Variants in DTNBP1 observed in about 807,000 individuals in gnomAD.
The protein encoded by DTNBP1 is dystrobrevin binding protein 1, also known as dysbindin.
DTNBP1 carries 35 observed loss-of-function variants against 42.8 expected under a neutral mutation model. The ratio of observed to expected loss-of-function variants is 0.82; its 90% CI spans 0.63 to 1.09. DTNBP1 has a LOEUF of 1.09. Among genes scored for constraint, DTNBP1 ranks in the 50% least tolerant of loss-of-function variants. DTNBP1 has a pLI of 0.00. For synonymous variants in DTNBP1, 171 were observed against 162.2 expected, an observed-to-expected ratio of 1.05 and a Z score of -0.41; for missense variants, 457 against 424.2, an observed-to-expected ratio of 1.08 and a Z score of -0.68.
chr6:15,523,618 G>A (rs774268155), intron 9 of DTNBP1: 11 of 1,286,824 alleles, frequency 8.5e-6, no homozygotes, highest in Admixed American at 4.6e-5. Flanking sequence ...TGAGAAAGTC[G>A]GAATTACTGA....
intron 8 of DTNBP1, 75 bp downstream of exon 8, chr6:15,533,163 TGC>T: frequency 2.5e-6 from 4 of 1,597,952 alleles, no homozygotes; most frequent in Non-Finnish European, 3.4e-6. Context: ...CCCCATGCCC[TGC>T]TCTGGGGAGA....
At chr6:15,652,898 T>A (rs2619524) in intron 1 of DTNBP1, among the ~76,000 whole-genome samples, 38,820 of 152,148 alleles carry the variant, frequency 0.26, 5,712 homozygotes, top group African/African-American at 0.4. Flanking sequence ...GCTGGGATTA[T>A]AGGTGTGTGC....
At chr6:15,605,679 T>A (rs1208599043) in intron 6 of DTNBP1, among the ~76,000 whole-genome samples, 1 of 152,212 alleles carries the variant, frequency 6.6e-6, no homozygotes, top group Non-Finnish European at 1.5e-5. Context: ...GTAAATGGTT[T>A]TAAGTTCTTT....
At chr6:15,575,709 T>C (rs892968407) in intron 7 of DTNBP1, among the ~76,000 whole-genome samples, 2 of 152,116 alleles carry the variant, frequency 1.3e-5, no homozygotes, top group African/African-American at 2.4e-5. Flanking sequence ...ATTATACTCA[T>C]GGAGGGGAAA....
intron 7 of DTNBP1, among the ~76,000 whole-genome samples, chr6:15,589,673 C>T (rs1404558233): frequency 5.9e-5 from 9 of 152,196 alleles, no homozygotes; most frequent in Admixed American, 5.9e-4. Context: ...CCTTCCATGT[C>T]AACTTTTCCC....
intron 7 of DTNBP1, among the ~76,000 whole-genome samples, chr6:15,550,315 T>A (rs1190848826): frequency 2.6e-5 from 4 of 152,094 alleles, no homozygotes; most frequent in African/African-American, 9.7e-5. Flanking sequence ...ATGGGTATAC[T>A]TTTTTGGCAA....
intron 7 of DTNBP1, chr6:15,545,903 C>A: frequency 2.9e-6 from 1 of 339,084 alleles, no homozygotes. Context: ...ATGGGAAGGG[C>A]AAGGCAGTTT....
chr6:15,571,429 C>T (rs1343290774), intron 7 of DTNBP1, among the ~76,000 whole-genome samples: 1 of 152,320 alleles, frequency 6.6e-6, no homozygotes, highest in Non-Finnish European at 1.5e-5. Context: ...GATTGTAAAT[C>T]ACAGATCCAT....
intron 1 of DTNBP1, among the ~76,000 whole-genome samples, chr6:15,659,422 CTGCTCTGGCTTCCACACAAT>C (rs1383455302): frequency 6.6e-6 from 1 of 152,234 alleles, no homozygotes; most frequent in Non-Finnish European, 1.5e-5. Context: ...TAGAAGGCAG[CTGCTCTGGCTTCCACACAAT>C]TGCTCTGCCA....
intron 7 of DTNBP1, among the ~76,000 whole-genome samples, chr6:15,561,380 G>A (rs1180012743): frequency 6.6e-6 from 1 of 152,184 alleles, no homozygotes; most frequent in Non-Finnish European, 1.5e-5. Context: ...TGCTCTTTGT[G>A]TAAGAATGCA....
In DTNBP1 at chr6:15,577,290, T is replaced by C. The variant is rs575196899; in HGVS notation, c.511+15769A>G. On this transcript the variant is annotated intron_variant, in intron 7 of 9. Coordinates refer to ENST00000344537, the MANE Select transcript of DTNBP1 (RefSeq NM_032122.5). ...GCCAGGACTCGGGAGGTATTCCACA[T>C]GTGATGGGAGGCCACAGAGAGTTTG... Among the ~76,000 whole-genome samples the C allele has an allele frequency of 1.6e-4, 25 of 152,268 alleles. No individual in the cohort carries two copies. In the South Asian group the frequency reaches 5.0e-3, roughly 30 times the overall value.
At chr6:15,621,159 T>C (rs1439846469) in intron 5 of DTNBP1, among the ~76,000 whole-genome samples, 1 of 152,236 alleles carries the variant, frequency 6.6e-6, no homozygotes, top group Non-Finnish European at 1.5e-5. Flanking sequence ...GCTATAGTCT[T>C]AGACTTAAGA....
At chr6:15,660,400 C>T (rs1370062292) in intron 1 of DTNBP1, 6 of 1,289,790 alleles carry the variant, frequency 4.7e-6, no homozygotes, top group Non-Finnish European at 6.1e-6. Context: ...AAGTGAACAT[C>T]AGGCACTAGA....
At chr6:15,557,956 G>C (rs1448997083) in intron 7 of DTNBP1, among the ~76,000 whole-genome samples, 1 of 151,684 alleles carries the variant, frequency 6.6e-6, no homozygotes, top group African/African-American at 2.4e-5. Context: ...TGGCTTATTT[G>C]GTATATTAAA....
chr6:15,660,406 C>A (rs1169294676), intron 1 of DTNBP1: 4 of 1,289,786 alleles, frequency 3.1e-6, no homozygotes, highest in Non-Finnish European at 4.0e-6. Flanking sequence ...ACATCAGGCA[C>A]TAGAGGTCCG....
intron 7 of DTNBP1, among the ~76,000 whole-genome samples, chr6:15,571,867 C>G (rs1313026418): frequency 1.3e-5 from 2 of 152,154 alleles, no homozygotes; most frequent in Non-Finnish European, 2.9e-5. Flanking sequence ...CATCCTAACA[C>G]TAAATATCTT....
intron 9 of DTNBP1, chr6:15,524,259 A>AG (rs1225751171): frequency 4.0e-5 from 64 of 1,598,444 alleles, no homozygotes; most frequent in Non-Finnish European, 5.4e-5. Context: ...GTGGTAAAGG[A>AG]GGGAAAACAA....
In DTNBP1 at chr6:15,523,748, C is replaced by T; in HGVS notation, c.812-529G>A. The T allele has an allele frequency of 3.1e-6, 4 of 1,287,200 alleles. No homozygotes were observed. The South Asian group carries it at 3.7e-5, about 12-fold the overall frequency. 79.7% of individuals were successfully genotyped at this position (1,287,200 alleles called of 1,614,324 possible). On this transcript the variant is annotated intron_variant, in intron 9 of 9. Coordinates refer to ENST00000344537, the MANE Select transcript of DTNBP1 (RefSeq NM_032122.5). ...ACTCTGGGTGAGGGTTCACGCTGGTCTCCAGTATTCTGGCCTTCTCAGGAT... is the reference window on the plus strand; with the variant it reads ...ACTCTGGGTGAGGGTTCACGCTGGTTTCCAGTATTCTGGCCTTCTCAGGAT...
intron 7 of DTNBP1, among the ~76,000 whole-genome samples, chr6:15,561,544 T>C (rs1484041107): frequency 5.3e-5 from 8 of 152,320 alleles, no homozygotes; most frequent in Admixed American, 2.0e-4. Flanking sequence ...ATGCTAATAG[T>C]TGGGCGGGAA....
Sources: gnomAD v4.1 joint callset for allele counts (sites outside exome capture counted in the v4.1 genomes callset) on GRCh38, gnomAD v4.1.1 for gene constraint, MANE v1.5 for transcripts, NCBI Gene and HGNC (gene_info 2026-07-23, HGNC 2026-07-21) for gene names.